The following GPATCH3 variants were observed in gnomAD, a reference collection of about 807,000 sequenced individuals.
GPATCH3 encodes G patch domain-containing protein 3.
A neutral mutation model predicts 53.2 loss-of-function variants in GPATCH3; 45 were observed. The observed-to-expected ratio is 0.85, with a 90% CI of 0.67 to 1.08. The LOEUF (loss-of-function observed/expected upper bound fraction) is 1.08. GPATCH3 is among the 50% of genes least tolerant of loss of function. The pLI is 0.00. For synonymous variants in GPATCH3, 280 were observed against 270.6 expected (o/e 1.03, Z -0.34); for missense variants, 680 against 687.2 (o/e 0.99, Z 0.12).
chr1:26,892,684 C>G lies in GPATCH3; in HGVS notation c.1219G>C (p.Glu407Gln). ...SVIERQVGTF[E>Q]RHTKGIGRKV... is the part of the protein sequence containing the mutation. ...TGCTAACTCACCTTGGTGTGGCGCT[C>G]AAAGGTGCCCACCTGGCGTTCGATC... is the stretch of plus-strand genomic sequence containing the variant. The change falls in exon 5 of 7, where the codon GAG (glutamate) becomes CAG (glutamine). Residue 407 changes from glutamate to glutamine, a missense_variant. Physicochemically the swap from Glu to Gln is conservative, Grantham distance 29. Coordinates refer to ENST00000361720, the MANE Select transcript of GPATCH3 (RefSeq NM_022078.3). 1 of 1,614,048 alleles carries G rather than the reference C, an allele frequency of 6.2e-7. No individual in the cohort carries two copies. The highest frequency in any genetic ancestry group is 8.5e-7 in the Non-Finnish European group (1 of 1,180,004).
chr1:26,897,101 T>G (rs749743062), intron 2 of GPATCH3, among the ~76,000 whole-genome samples, 200 bp downstream of exon 2: 37 of 152,002 alleles, frequency 2.4e-4, no homozygotes, highest in Non-Finnish European at 3.7e-4. Context: ...AATCTTCTGG[T>G]AAAAGCTCTG....
chr1:26,896,066 T>A (rs185054644), intron 2 of GPATCH3, among the ~76,000 whole-genome samples: 1 of 152,268 alleles, frequency 6.6e-6, no homozygotes, highest in East Asian at 1.9e-4. Flanking sequence ...CAAAGAAATG[T>A]CTATGTCACT....
At position 26,897,405 on chromosome 1, in the gene GPATCH3, C is replaced by T. The variant is rs1557661027; in HGVS notation, c.772G>A (p.Glu258Lys). 1 of 1,614,188 alleles carries T rather than the reference C, an allele frequency of 6.2e-7. No individual in the cohort carries two copies. ...EELVYTAEGE[E>K]IPQGTYLADI... ...GCCAGGTAGGTTCCTTGGGGTATTT[C>T]TTCACCCTCTGCTGTATACACAAGC... Residue 258 changes from glutamate (E) to lysine (K), a missense_variant, in exon 2 of 7, where the codon GAA (glutamate) becomes AAA (lysine). By Grantham distance (56) the Glu-to-Lys change is moderately conservative (BLOSUM62 1). Transcript: ENST00000361720.
Position 26,899,977 on chromosome 1 carries a change from C to T in GPATCH3, c.451+15G>A, listed in dbSNP as rs748475274. On this transcript the variant is annotated intron_variant, in intron 1 of 6. Transcript: ENST00000361720. ...CAGGCCCGTAGGCCCAGTCTATTAA[C>T]TTTCTCACTCTTACCTGATGCCTCC... 3.1e-6 allele frequency: 5 copies of T among 1,612,722 alleles called. No individual in the cohort carries two copies. The highest frequency in any genetic ancestry group is 3.3e-5 in the Admixed American group (2 of 59,956).
At chr1:26,898,080 G>C (rs144280145) in intron 1 of GPATCH3, among the ~76,000 whole-genome samples, 335 of 152,254 alleles carry the variant, frequency 2.2e-3, no homozygotes, top group African/African-American at 7.4e-3. Flanking sequence ...AGGCTGTAGT[G>C]AGCCAAGATT....
intron 3 of GPATCH3, 80 bp from the exon 4 acceptor site, chr1:26,893,528 G>GTTT: frequency 2.6e-6 from 2 of 774,830 alleles, no homozygotes; most frequent in African/African-American, 2.3e-5. Flanking sequence ...AGTTTTTTTG[G>GTTT]CTTTTTTTTT....
Position 26,891,169 on chromosome 1 carries a change from G to T in GPATCH3, c.1419C>A (p.Gly473=), listed in dbSNP as rs1243007371. ...CATAGATGGTGGAGATGAGCCCCAA[G>T]CCATTTCTACGGGGCCTCTTCAGTT... ...FGQLKRPRRN[G]LGLISTIYDE... is the part of the protein sequence containing the mutation. Residue 473 remains glycine, a synonymous_variant, in exon 7 of 7, where the codon GGC becomes GGA. Transcript: ENST00000361720. 1 of 1,614,022 alleles carries T rather than the reference G, an allele frequency of 6.2e-7. No homozygotes were observed. The highest frequency in any genetic ancestry group is 1.3e-5 in the African/African-American group (1 of 75,012).
At chr1:26,899,295 G>T (rs1384052423) in intron 1 of GPATCH3, among the ~76,000 whole-genome samples, 1 of 152,122 alleles carries the variant, frequency 6.6e-6, no homozygotes, top group Non-Finnish European at 1.5e-5. Context: ...CTATGAAATG[G>T]GAGAAACAAC....
Position 26,892,692 on chromosome 1 carries a change from C to G in GPATCH3, c.1211G>C (p.Gly404Ala), listed in dbSNP as rs749344003. The part of the protein sequence containing the change: ...EDGSVIERQV[G>A]TFERHTKGIG... ...CACCTTGGTGTGGCGCTCAAAGGTGCCCACCTGGCGTTCGATCACAGAGCC... is the reference window on the plus strand; with the variant it reads ...CACCTTGGTGTGGCGCTCAAAGGTGGCCACCTGGCGTTCGATCACAGAGCC... Residue 404 changes from glycine to alanine, a missense_variant, in exon 5 of 7, where the codon GGC becomes GCC. Transcript: ENST00000361720. The G allele has an allele frequency of 6.2e-6, 10 of 1,614,026 alleles. No individual in the cohort carries two copies. The African/African-American group carries it at 8.0e-5, about 13-fold the overall frequency.
At chr1:26,892,258 C>T (rs1456570082) in intron 6 of GPATCH3, among the ~76,000 whole-genome samples, 153 bp downstream of exon 6, 2 of 152,172 alleles carry the variant, frequency 1.3e-5, no homozygotes, top group African/African-American at 4.8e-5. Flanking sequence ...CTTGAGCCAC[C>T]GTGCCTGGCC....
intron 4 of GPATCH3, 24 bp from the exon 5 acceptor site, chr1:26,892,815 T>G: frequency 6.2e-7 from 1 of 1,610,800 alleles, no homozygotes; most frequent in Non-Finnish European, 8.5e-7. Flanking sequence ...GCTCAGTTTA[T>G]GGAAGCGTCC....
At chr1:26,892,250 T>C (rs986025653) in intron 6 of GPATCH3, among the ~76,000 whole-genome samples, 161 bp downstream of exon 6, 1 of 152,234 alleles carries the variant, frequency 6.6e-6, no homozygotes, top group Non-Finnish European at 1.5e-5. Context: ...ATTACAGGCT[T>C]GAGCCACCGT....
chr1:26,894,874 A>G (rs1039739576), intron 2 of GPATCH3, among the ~76,000 whole-genome samples: 13 of 152,188 alleles, frequency 8.5e-5, no homozygotes, highest in Non-Finnish European at 1.5e-4. Flanking sequence ...CTGGTGTGTC[A>G]GGCCCTTCCC....
Position 26,900,380 on chromosome 1 carries a change from G to C in GPATCH3, c.63C>G (p.Pro21=). ...GTAAATGGGCCGAGCGCAACACGGA[G>C]GGGATACCGCTCACTACCAGGTAAA... is the stretch of plus-strand genomic sequence containing the variant. The part of the protein sequence containing the change: ...ATVYLVVSGI[P]SVLRSAHLRS... The change falls in exon 1 of 7, where the codon CCC becomes CCG. Residue 21 remains proline (P), a synonymous_variant. Transcript: ENST00000361720. The C allele has an allele frequency of 2.5e-6, 4 of 1,613,986 alleles. No individual in the cohort carries two copies. The highest frequency in any genetic ancestry group is 3.4e-6 in the Non-Finnish European group (4 of 1,180,028).
In GPATCH3 at chr1:26,893,466, C is replaced by CAT. The variant is rs775675470; in HGVS notation, c.1052-20_1052-19dup. On this transcript the variant is annotated intron_variant, in intron 3 of 6. Coordinates refer to ENST00000361720, the MANE Select transcript of GPATCH3 (RefSeq NM_022078.3). Reference sequence around the variant, plus strand: ...ATCAAAATCTGTAGGGACAGAAAAGCATCCAACAGAGTACATTAAGGACTC... The same window carrying CAT: ...ATCAAAATCTGTAGGGACAGAAAAGCATATCCAACAGAGTACATTAAGGACTC... 14 of 1,597,278 alleles carry CAT rather than the reference C, an allele frequency of 8.8e-6. No homozygotes were observed. Among genetic ancestry groups the CAT allele is most frequent in the Non-Finnish European group, 1.2e-5 (14 of 1,167,220 alleles).
chr1:26,895,646 T>TC (rs1030408525), intron 2 of GPATCH3, among the ~76,000 whole-genome samples: 5 of 151,066 alleles, frequency 3.3e-5, no homozygotes, highest in Non-Finnish European at 5.9e-5. Context: ...CTGGGAGCTT[T>TC]TTTTTTTTTG....
intron 2 of GPATCH3, 69 bp from the exon 3 acceptor site, chr1:26,894,479 G>T: frequency 6.9e-7 from 1 of 1,443,974 alleles, no homozygotes; most frequent in Non-Finnish European, 9.6e-7. Flanking sequence ...GAAGCTCAGG[G>T]CACAGGAGGC....
intron 1 of GPATCH3, 149 bp from the exon 2 acceptor site, chr1:26,897,874 C>A (rs2081958300): frequency 1.4e-6 from 1 of 696,696 alleles, no homozygotes; most frequent in Non-Finnish European, 2.3e-6. Flanking sequence ...CAGTGGCTCA[C>A]GCTTGTGATC....
In GPATCH3 at chr1:26,890,723, C is replaced by T. The variant is rs750968590; in HGVS notation, c.*287G>A. On this transcript the variant is annotated 3_prime_UTR_variant, in exon 7 of 7. Transcript: ENST00000361720. ...GGCTGTGCTGATAGCCTCACTCAACCCAGCTTTTCAAAGTTCTGCAGGAGG... is the reference window on the plus strand; with the variant it reads ...GGCTGTGCTGATAGCCTCACTCAACTCAGCTTTTCAAAGTTCTGCAGGAGG... The T allele has an allele frequency of 1.6e-6, 1 of 606,596 alleles. No individual in the cohort carries two copies. Among genetic ancestry groups the T allele is most frequent in the Non-Finnish European group, 3.1e-6 (1 of 317,578 alleles). The allele number at this position is 606,596 out of a possible 1,614,324, so 37.6% of individuals were successfully genotyped here. A position where few individuals can be genotyped will look rare whatever the true frequency, so the allele number is the denominator to read the frequency against.
Sources: gnomAD v4.1 joint callset for allele counts (sites outside exome capture counted in the v4.1 genomes callset) on GRCh38, gnomAD v4.1.1 for gene constraint, MANE v1.5 for transcripts, NCBI Gene and HGNC (gene_info 2026-07-23, HGNC 2026-07-21) for gene names.